The following NFIC variants were observed in gnomAD, a reference collection of about 807,000 sequenced individuals.
The protein encoded by NFIC is nuclear factor 1 C-type.
Under a neutral mutation model 54.4 loss-of-function variants are expected in NFIC, and 12 were observed. The ratio of observed to expected loss-of-function variants is 0.22; its 90% CI spans 0.14 to 0.36. The LOEUF (loss-of-function observed/expected upper bound fraction) is 0.36, where lower values mean the gene tolerates loss of function less well. NFIC is among the 10% of genes least tolerant of loss of function. NFIC has a pLI of 1.00. For missense variants in NFIC, 575 were observed against 718.2 expected (o/e 0.80, Z 2.28); for synonymous variants, 322 against 319.2 (o/e 1.01, Z -0.09).
chr19:3,450,055 C>CA (rs892847936), intron 7 of NFIC, among the ~76,000 whole-genome samples: 1 of 149,726 alleles, frequency 6.7e-6, no homozygotes, highest in Non-Finnish European at 1.5e-5. Flanking sequence ...ACCCTGTCTC[C>CA]AAAAAAAGGC....
intron 2 of NFIC, among the ~76,000 whole-genome samples, chr19:3,385,571 TTG>T (rs1568411815): frequency 4.3e-5 from 5 of 116,168 alleles, no homozygotes; most frequent in African/African-American, 6.5e-5. Context: ...TTGGTTGTTG[TTG>T]TTTTTTTTTT....
At chr19:3,360,366 G>T (rs939485511) in intron 1 of NFIC, among the ~76,000 whole-genome samples, 12 of 150,542 alleles carry the variant, frequency 8.0e-5, no homozygotes, top group African/African-American at 2.9e-4. Context: ...GCGCGCGCGG[G>T]GTCCCCAGCT....
intron 2 of NFIC, among the ~76,000 whole-genome samples, chr19:3,400,394 G>A (rs2081537036): frequency 6.6e-6 from 1 of 151,672 alleles, no homozygotes; most frequent in African/African-American, 2.4e-5. Flanking sequence ...GGAGAATGGT[G>A]TGAACCTGGG....
chr19:3,416,941 T>C (rs2081866062), intron 2 of NFIC, among the ~76,000 whole-genome samples: 3 of 150,038 alleles, frequency 2.0e-5, no homozygotes, highest in African/African-American at 7.4e-5. Flanking sequence ...TGGAGTGCAG[T>C]GGCGCGATCT....
chr19:3,462,667 T>C, intron 10 of NFIC, 85 bp from the exon 11 acceptor site: 1 of 1,487,400 alleles, frequency 6.7e-7, no homozygotes, highest in Admixed American at 1.7e-5. Flanking sequence ...TGGGAAGAGG[T>C]AAACCATGTC....
chr19:3,413,191 T>C (rs1489312150), intron 2 of NFIC, among the ~76,000 whole-genome samples: 1 of 152,004 alleles, frequency 6.6e-6, no homozygotes, highest in Non-Finnish European at 1.5e-5. Context: ...TCAGGTGATC[T>C]ACTCACCTCA....
rs1413802571 is a variant in NFIC, at chr19:3,468,714, T to C, written c.*5945T>C. 6.6e-6 allele frequency: 1 copy of C among 152,284 alleles called. No homozygotes were observed. Among genetic ancestry groups the C allele is most frequent in the Middle Eastern group, 3.4e-3 (1 of 294 alleles). The allele number at this position is 152,284 out of a possible 1,614,324, so 9.4% of individuals were successfully genotyped here. ...TCCTTTTCCCTTTGAGATTTTTTTG[T>C]TGTTGTTTCCTTTTTGTATTTTACT... On this transcript the variant is annotated 3_prime_UTR_variant, in exon 11 of 11. Coordinates refer to ENST00000443272, the MANE Select transcript of NFIC (RefSeq NM_001245002.2).
At chr19:3,395,837 C>G (rs1200146765) in intron 2 of NFIC, among the ~76,000 whole-genome samples, 4 of 152,078 alleles carry the variant, frequency 2.6e-5, no homozygotes, top group Admixed American at 6.6e-5. Context: ...CGTGCCACCA[C>G]ACCGGCTAAT....
chr19:3,382,164 C>A lies in NFIC; in HGVS notation c.483C>A (p.Val161=). The part of the protein sequence containing the change: ...LVKAAQCGHP[V]LCVQPHHIGV... The stretch of plus-strand genomic sequence containing the variant: ...AGGCTGCGCAGTGCGGTCACCCGGT[C>A]CTGTGCGTGCAGCCGCACCACATTG... The change falls in exon 2 of 11, where the codon GTC becomes GTA. Residue 161 remains valine, a synonymous_variant. Transcript: ENST00000443272. 6.2e-7 allele frequency: 1 copy of A among 1,612,804 alleles called. No individual in the cohort carries two copies. The highest frequency in any genetic ancestry group is 1.1e-5 in the South Asian group (1 of 91,066).
intron 3 of NFIC, among the ~76,000 whole-genome samples, chr19:3,429,253 TACACACACACACACAC>T (rs57948823): frequency 1.2e-4 from 6 of 50,810 alleles, no homozygotes; most frequent in African/African-American, 4.5e-4. Flanking sequence ...AAAAAATATA[TACACACACACACACAC>T]ACACACACAC....
At chr19:3,417,262 T>C (rs889589881) in intron 2 of NFIC, among the ~76,000 whole-genome samples, 5 of 152,104 alleles carry the variant, frequency 3.3e-5, no homozygotes, top group African/African-American at 1.2e-4. Flanking sequence ...GGCAATATAG[T>C]GAGACCCCCA....
chr19:3,439,836 C>T (rs895447404), intron 6 of NFIC, among the ~76,000 whole-genome samples: 1 of 151,370 alleles, frequency 6.6e-6, no homozygotes, highest in Non-Finnish European at 1.5e-5. Flanking sequence ...CTACAGGCAC[C>T]CACCACCATG....
intron 1 of NFIC, chr19:3,359,689 C>T (rs1484762112): frequency 2.8e-6 from 4 of 1,424,218 alleles, no homozygotes; most frequent in South Asian, 1.4e-5. Flanking sequence ...CGCCATGGTA[C>T]GTCGCCGCAC....
chr19:3,442,676 C>A (rs562260374), intron 6 of NFIC, among the ~76,000 whole-genome samples: 1 of 152,046 alleles, frequency 6.6e-6, no homozygotes, highest in Non-Finnish European at 1.5e-5. Flanking sequence ...TGTGAGCCAC[C>A]GAGCCCAGCC....
At chr19:3,448,129 G>A (rs1306636072) in intron 6 of NFIC, among the ~76,000 whole-genome samples, 3 of 150,008 alleles carry the variant, frequency 2.0e-5, no homozygotes, top group Non-Finnish European at 4.4e-5. Context: ...CTGGAGTGTA[G>A]TGGCGTGATC....
chr19:3,459,573 C>T lies in NFIC; in HGVS notation c.1509+2938C>T, dbSNP rs1237435523. Among the ~76,000 whole-genome samples, 2 of 152,216 alleles carry T rather than the reference C, an allele frequency of 1.3e-5. No individual in the cohort carries two copies. Among genetic ancestry groups the T allele is most frequent in the African/African-American group, 4.8e-5 (2 of 41,454 alleles). ...CCCTTCACACCTACTGCCTCAGTCTCCCCTCAGCTGAGTGGGAGGATGTGG... is the reference window on the plus strand; with the variant it reads ...CCCTTCACACCTACTGCCTCAGTCTTCCCTCAGCTGAGTGGGAGGATGTGG... On this transcript the variant is annotated intron_variant, in intron 10 of 10. Coordinates refer to ENST00000443272, the MANE Select transcript of NFIC (RefSeq NM_001245002.2). The surrounding 1 kb of genome is among the most constrained non-coding windows in gnomAD (Gnocchi z 4.2).
At chr19:3,422,519 C>T (rs2081968239) in intron 2 of NFIC, among the ~76,000 whole-genome samples, 2 of 151,334 alleles carry the variant, frequency 1.3e-5, no homozygotes, top group South Asian at 4.2e-4. Context: ...AGATCGAGAC[C>T]ATCCTGGCTA....
intron 2 of NFIC, among the ~76,000 whole-genome samples, chr19:3,413,676 G>A (rs1007352488): frequency 2.0e-5 from 3 of 152,082 alleles, no homozygotes; most frequent in Non-Finnish European, 4.4e-5. Flanking sequence ...GTCTCGCTCT[G>A]TCTCCCAGGC....
At position 3,385,576 on chromosome 19, in the gene NFIC, T is replaced by G. The variant is rs919382711; in HGVS notation, c.562+3333T>G. ...GGGGGTTTTTTTGGTTGTTGTTGTT[T>G]TTTTTTTTTTTTTTGAGACAGACTC... On this transcript the variant is annotated intron_variant, in intron 2 of 10. Transcript: ENST00000443272. Among the ~76,000 whole-genome samples the G allele has an allele frequency of 5.9e-4, 79 of 132,790 alleles. 1 individual carries two copies. The highest frequency in any genetic ancestry group is 2.5e-3 in the South Asian group (11 of 4,404). 87.1% of individuals were successfully genotyped at this position (132,790 alleles called of 152,430 possible).
Sources: allele counts gnomAD v4.1 joint callset (sites outside exome capture counted in the v4.1 genomes callset), GRCh38; gene constraint gnomAD v4.1.1; non-coding constraint Gnocchi (gnomAD v3.1); transcripts MANE v1.5; gene names NCBI Gene and HGNC (gene_info 2026-07-23, HGNC 2026-07-21).